Variants in TNFAIP1 observed in about 807,000 individuals in gnomAD.
The protein encoded by TNFAIP1 is BTB/POZ domain-containing adapter for CUL3-mediated RhoA degradation protein 2.
A neutral mutation model predicts 32.6 loss-of-function variants in TNFAIP1; 20 were observed. The ratio of observed to expected loss-of-function variants is 0.61; its 90% CI spans 0.43 to 0.89. The LOEUF is 0.89. Among genes scored for constraint, TNFAIP1 ranks in the 40% least tolerant of loss-of-function variants. The pLI, the probability that TNFAIP1 is intolerant of heterozygous loss-of-function variation, is 0.00. For synonymous variants in TNFAIP1, 166 were observed against 166.8 expected (o/e 1.00, Z 0.04); for missense variants, 319 against 425.1 (o/e 0.75, Z 2.20).
At position 28,345,490 on chromosome 17, in the gene TNFAIP1, C is replaced by A. The variant is rs1907523737; in HGVS notation, c.*890C>A. On this transcript the variant is annotated 3_prime_UTR_variant, in exon 7 of 7. Coordinates refer to ENST00000226225, the MANE Select transcript of TNFAIP1 (RefSeq NM_021137.5). ...TCTAGCACGACTGCTCTTTGTGATT[C>A]TCTTGAGTACCCTTGGCTTCCAGCC... The A allele has an allele frequency of 6.6e-6, 1 of 152,288 alleles. No individual in the cohort carries two copies. 9.4% of individuals were successfully genotyped at this position (152,288 alleles called of 1,614,324 possible).
chr17:28,336,902 A>G (rs1324365449), intron 1 of TNFAIP1, among the ~76,000 whole-genome samples: 2 of 152,240 alleles, frequency 1.3e-5, no homozygotes, highest in African/African-American at 4.8e-5. Context: ...AAACTGACGT[A>G]TGTTAAATAC....
chr17:28,344,733 A>G lies in TNFAIP1; in HGVS notation c.*133A>G. 1.1e-6 allele frequency: 1 copy of G among 896,394 alleles called. No homozygotes were observed. The highest frequency in any genetic ancestry group is 1.7e-6 in the Non-Finnish European group (1 of 579,298). The allele number at this position is 896,394 out of a possible 1,614,324, so 55.5% of individuals were successfully genotyped here. A position where few individuals can be genotyped will look rare whatever the true frequency, so the allele number is the denominator to read the frequency against. ...CAGAGGCATGACAGGCCCTGCTCAG[A>G]GGTCAGAGGGTCTGGGCAGAGGAGG... On this transcript the variant is annotated 3_prime_UTR_variant, in exon 7 of 7. Transcript: ENST00000226225.
intron 1 of TNFAIP1, among the ~76,000 whole-genome samples, chr17:28,338,869 G>A (rs1454741563): frequency 6.6e-6 from 1 of 151,994 alleles, no homozygotes; most frequent in Non-Finnish European, 1.5e-5. Flanking sequence ...GAGTCTCAGG[G>A]AGGCTGATGA....
chr17:28,344,613 G>C lies in TNFAIP1; in HGVS notation c.*13G>C. On this transcript the variant is annotated 3_prime_UTR_variant, in exon 7 of 7. Transcript: ENST00000226225. ...CCATCGCGACTGACCAGACCCTCAG[G>C]GAGTCAGGGCACGGGAGGCCCTATC... The C allele has an allele frequency of 6.2e-7, 1 of 1,609,868 alleles. No individual in the cohort carries two copies.
At chr17:28,336,764 AAG>A (rs1390048858) in intron 1 of TNFAIP1, among the ~76,000 whole-genome samples, 1 of 152,166 alleles carries the variant, frequency 6.6e-6, no homozygotes, top group Non-Finnish European at 1.5e-5. Flanking sequence ...TGGCAAATGA[AAG>A]AGTCTCCCAG....
rs1354990247 is a variant in TNFAIP1 at position 28,346,358 on chromosome 17, A to C, written c.*1758A>C. On this transcript the variant is annotated 3_prime_UTR_variant, in exon 7 of 7. Transcript: ENST00000226225. ...TTATGACTTTCCCACAGAGACTGGA[A>C]TGCGTCAGCCTGAGACCACTGGCCT... The C allele has an allele frequency of 1.3e-5, 2 of 152,330 alleles. No individual in the cohort carries two copies. The highest frequency in any genetic ancestry group is 1.3e-4 in the Admixed American group (2 of 15,302). 9.4% of individuals were successfully genotyped at this position (152,330 alleles called of 1,614,324 possible).
rs1442320558 is a variant in TNFAIP1, at chr17:28,345,170, G to C, written c.*570G>C. 6.3e-6 allele frequency: 1 copy of C among 157,688 alleles called. No homozygotes were observed. The highest frequency in any genetic ancestry group is 1.4e-5 in the Non-Finnish European group (1 of 70,760). 9.8% of individuals were successfully genotyped at this position (157,688 alleles called of 1,614,324 possible). A position where few individuals can be genotyped will look rare whatever the true frequency, so the allele number is the denominator to read the frequency against. ...CCTTGGCCCTTCTCCATGCCTGTGG[G>C]ATCTGTTTCTTTAAAGCACTTTGTA... On this transcript the variant is annotated 3_prime_UTR_variant, in exon 7 of 7. Transcript: ENST00000226225.
chr17:28,337,462 A>G (rs1907219293), intron 1 of TNFAIP1, among the ~76,000 whole-genome samples: 1 of 152,120 alleles, frequency 6.6e-6, no homozygotes, highest in African/African-American at 2.4e-5. Context: ...TGACTTTCCC[A>G]GGCTCAAGCA....
Position 28,342,506 on chromosome 17 carries a change from C to T in TNFAIP1, c.714+64C>T, listed in dbSNP as rs145247421. On this transcript the variant is annotated intron_variant, in intron 6 of 6. Transcript: ENST00000226225. This position sits in a 1 kb window ranked among gnomAD's most constrained non-coding sequence, Gnocchi z 4.0. ...ACACCCACTGTGCGGGGGACGTGGT[C>T]GGGCTGTGACCAGCACGGAGCAAAA... 381 of 1,474,752 alleles carry T rather than the reference C, an allele frequency of 2.6e-4. No individual in the cohort carries two copies. In the African/African-American group the frequency reaches 4.6e-3, roughly 18 times the overall value. The allele number at this position is 1,474,752 out of a possible 1,614,324, so 91.4% of individuals were successfully genotyped here. A position where few individuals can be genotyped will look rare whatever the true frequency, so the allele number is the denominator to read the frequency against.
rs555631932 is a variant in TNFAIP1, at chr17:28,344,626, G to T, written c.*26G>T. 2 of 1,603,182 alleles carry T rather than the reference G, an allele frequency of 1.2e-6. No individual in the cohort carries two copies. The highest frequency in any genetic ancestry group is 1.7e-5 in the Admixed American group (1 of 60,002). On this transcript the variant is annotated 3_prime_UTR_variant, in exon 7 of 7. Coordinates refer to ENST00000226225, the MANE Select transcript of TNFAIP1 (RefSeq NM_021137.5). ...CCAGACCCTCAGGGAGTCAGGGCAC[G>T]GGAGGCCCTATCTCCCATCCTGTGG...
chr17:28,336,138 C>G (rs575108720), intron 1 of TNFAIP1, among the ~76,000 whole-genome samples: 20 of 152,164 alleles, frequency 1.3e-4, no homozygotes, highest in Non-Finnish European at 2.5e-4. Flanking sequence ...CCACTCTAGC[C>G]CTCAGCTTTC....
chr17:28,341,062 A>G (rs1259282395), intron 3 of TNFAIP1, among the ~76,000 whole-genome samples, 175 bp from the exon 4 acceptor site: 1 of 152,036 alleles, frequency 6.6e-6, no homozygotes, highest in Non-Finnish European at 1.5e-5. Flanking sequence ...TGGGTTTTCT[A>G]ACTGGGGGTC....
chr17:28,338,257 C>T (rs1907243450), intron 1 of TNFAIP1, among the ~76,000 whole-genome samples: 1 of 152,210 alleles, frequency 6.6e-6, no homozygotes, highest in South Asian at 2.1e-4. Flanking sequence ...AGGCAGGTGG[C>T]AGCACACATC....
At chr17:28,341,511 G>C in intron 5 of TNFAIP1, 55 bp downstream of exon 5, 1 of 1,598,436 alleles carries the variant, frequency 6.3e-7, no homozygotes. Context: ...AAGGAGTACT[G>C]CCTGTACTCC....
intron 1 of TNFAIP1, among the ~76,000 whole-genome samples, chr17:28,338,517 G>A: frequency 6.6e-6 from 1 of 151,940 alleles, no homozygotes; most frequent in East Asian, 1.9e-4. Flanking sequence ...AAGAACACTG[G>A]CCGGCACCCC....
At chr17:28,338,502 G>A (rs1205288976) in intron 1 of TNFAIP1, among the ~76,000 whole-genome samples, 1 of 152,000 alleles carries the variant, frequency 6.6e-6, no homozygotes, top group Non-Finnish European at 1.5e-5. Context: ...CAGGTAACCT[G>A]CACCAAGAAC....
chr17:28,337,780 T>C (rs3093680), intron 1 of TNFAIP1, among the ~76,000 whole-genome samples: 102,442 of 152,146 alleles, frequency 0.67, 35,316 homozygotes, highest in East Asian at 0.96. Context: ...TCCTGTCCCT[T>C]TGTCTAAATT....
chr17:28,344,467 G>C lies in TNFAIP1; in HGVS notation c.818G>C (p.Ser273Thr). 1 of 1,614,008 alleles carries C rather than the reference G, an allele frequency of 6.2e-7. No individual in the cohort carries two copies. The highest frequency in any genetic ancestry group is 1.1e-5 in the South Asian group (1 of 91,088). ...DNSLLEATSR[S>T]RSQASPSEDE... is the part of the protein sequence containing the mutation. Reference sequence around the variant, plus strand: ...TCCTTGTTGGAGGCCACAAGCCGTAGCCGCAGCCAGGCTTCCCCCAGTGAA... The same window carrying C: ...TCCTTGTTGGAGGCCACAAGCCGTACCCGCAGCCAGGCTTCCCCCAGTGAA... Residue 273 changes from serine (S) to threonine (T), a missense_variant, in exon 7 of 7, where the codon AGC (serine) becomes ACC (threonine). Coordinates refer to ENST00000226225, the MANE Select transcript of TNFAIP1 (RefSeq NM_021137.5).
At position 28,340,145 on chromosome 17, in the gene TNFAIP1, C is replaced by T. The variant is rs572735047; in HGVS notation, c.206-164C>T. On this transcript the variant is annotated intron_variant, in intron 2 of 6. Transcript: ENST00000226225. This position sits in a 1 kb window ranked among gnomAD's most constrained non-coding sequence, Gnocchi z 4.1. ...AGGAAGGGTGAAGAGCAGCCATGGG[C>T]CTGAGTGCTAGAACCTCCATCCCCG... Among the ~76,000 whole-genome samples the T allele has an allele frequency of 5.3e-5, 8 of 152,162 alleles. 1 individual carries two copies. Among genetic ancestry groups the T allele is most frequent in the Admixed American group, 5.2e-4 (8 of 15,284 alleles).
Sources: gnomAD v4.1 joint callset for allele counts (sites outside exome capture counted in the v4.1 genomes callset) on GRCh38, gnomAD v4.1.1 for gene constraint, Gnocchi (gnomAD v3.1) non-coding constraint, MANE v1.5 for transcripts, NCBI Gene and HGNC (gene_info 2026-07-23, HGNC 2026-07-21) for gene names.